The following WASF3 variants were observed in gnomAD, a reference collection of about 807,000 sequenced individuals.
WASF3 encodes the protein WASP family member 3, also known as actin-binding protein WASF3.
In WASF3, 11 loss-of-function variants were observed where a neutral mutation model predicts 46.6. That is an observed-to-expected ratio of 0.24 (90% CI 0.15 to 0.39). The LOEUF is 0.39. Among genes scored for constraint, WASF3 ranks in the 10% least tolerant of loss-of-function variants. The pLI, the probability that WASF3 is intolerant of heterozygous loss-of-function variation, is 1.00. For synonymous variants in WASF3, 242 were observed against 259.7 expected (o/e 0.93, Z 0.65); for missense variants, 576 against 669.8 (o/e 0.86, Z 1.55).
chr13:26,542,376 G>A, the WASF3 span, among the ~76,000 whole-genome samples: 2 of 152,158 alleles, frequency 1.3e-5, no homozygotes, highest in Admixed American at 6.5e-5. Context: ...CTCATTCTTG[G>A]CCAATTTTAA....
At chr13:26,579,551 G>A (rs1879915894) in intron 1 of WASF3, among the ~76,000 whole-genome samples, 1 of 152,068 alleles carries the variant, frequency 6.6e-6, no homozygotes, top group African/African-American at 2.4e-5. Context: ...TGTTTTGCAG[G>A]TATAATGGTA....
chr13:26,596,375 A>C (rs1027017935), intron 1 of WASF3, among the ~76,000 whole-genome samples: 1 of 149,172 alleles, frequency 6.7e-6, no homozygotes, highest in Non-Finnish European at 1.5e-5. Context: ...TTCTCTCTCT[A>C]GTTTTTTTCA....
At chr13:26,673,715 T>C (rs571465958) in intron 6 of WASF3, among the ~76,000 whole-genome samples, 1 of 152,362 alleles carries the variant, frequency 6.6e-6, no homozygotes, top group African/African-American at 2.4e-5. Context: ...TTGTCTCCTT[T>C]AGTTTAATGC....
At chr13:26,678,792 T>C (rs1425172193) in intron 7 of WASF3, among the ~76,000 whole-genome samples, 2 of 152,124 alleles carry the variant, frequency 1.3e-5, no homozygotes, top group Non-Finnish European at 2.9e-5. Flanking sequence ...CCATGCCCAA[T>C]TGTCCTTGTT....
At chr13:26,578,079 C>T (rs900630906) in intron 1 of WASF3, among the ~76,000 whole-genome samples, 1 of 152,072 alleles carries the variant, frequency 6.6e-6, no homozygotes, top group Non-Finnish European at 1.5e-5. Context: ...GACAATTTTA[C>T]CTCTTTTCCA....
chr13:26,628,168 C>T (rs925041307), intron 2 of WASF3, among the ~76,000 whole-genome samples: 1 of 152,120 alleles, frequency 6.6e-6, no homozygotes, highest in African/African-American at 2.4e-5. Flanking sequence ...AAAACCTGCG[C>T]TCGCCAATCC....
intron 1 of WASF3, among the ~76,000 whole-genome samples, chr13:26,570,246 C>T (rs1184639538): frequency 6.6e-6 from 1 of 152,162 alleles, no homozygotes; most frequent in Non-Finnish European, 1.5e-5. Context: ...TGAGATCCTG[C>T]CACTGCACTG....
chr13:26,558,852 A>G (rs1294720565), intron 1 of WASF3, among the ~76,000 whole-genome samples: 1 of 152,196 alleles, frequency 6.6e-6, no homozygotes, highest in Non-Finnish European at 1.5e-5. Context: ...TTCAGAGTCT[A>G]CTTTTTATAA....
At chr13:26,597,819 T>C (rs1203161239) in intron 1 of WASF3, among the ~76,000 whole-genome samples, 1 of 152,258 alleles carries the variant, frequency 6.6e-6, no homozygotes, top group African/African-American at 2.4e-5. Flanking sequence ...GGCTGCATAG[T>C]ATTCCATGGT....
At chr13:26,618,880 T>C (rs1881221453) in intron 2 of WASF3, 1 of 152,226 alleles carries the variant, frequency 6.6e-6, no homozygotes. Flanking sequence ...GATCTTTTCA[T>C]TGTGGTTCTC....
the WASF3 span, among the ~76,000 whole-genome samples, chr13:26,546,514 C>G: frequency 6.6e-6 from 1 of 152,124 alleles, no homozygotes; most frequent in Non-Finnish European, 1.5e-5. Flanking sequence ...AGGTCAAGAC[C>G]AGCCTGGCCA....
In WASF3 at chr13:26,679,451, C is replaced by T. The variant is rs991717437; in HGVS notation, c.717-1603C>T. ...ACTTCTGCCTCCATCTGGTTAGCCC[C>T]TTTTCCTTGCTTCCTTTCTACCCTG... is the stretch of plus-strand genomic sequence containing the variant. On this transcript the variant is annotated intron_variant, in intron 7 of 9. Coordinates refer to ENST00000335327, the MANE Select transcript of WASF3 (RefSeq NM_006646.6). This position sits in a 1 kb window ranked among gnomAD's most constrained non-coding sequence, Gnocchi z 4.8. 2.6e-5 allele frequency among the ~76,000 whole-genome samples: 4 copies of T among 152,206 alleles called. No homozygotes were observed. The highest frequency in any genetic ancestry group is 1.5e-5 in the Non-Finnish European group (1 of 68,040).
At chr13:26,597,285 C>T (rs759799007) in intron 1 of WASF3, among the ~76,000 whole-genome samples, 2 of 152,166 alleles carry the variant, frequency 1.3e-5, no homozygotes, top group Non-Finnish European at 2.9e-5. Flanking sequence ...AGGTGTGTGC[C>T]ACCACACCCG....
At chr13:26,681,652 A>G (rs899052977) in intron 8 of WASF3, among the ~76,000 whole-genome samples, 1 of 152,098 alleles carries the variant, frequency 6.6e-6, no homozygotes, top group Non-Finnish European at 1.5e-5. Context: ...AAGTTTCTGG[A>G]CACATCCTGA....
At chr13:26,648,830 C>T (rs938677803) in intron 3 of WASF3, among the ~76,000 whole-genome samples, 10 of 152,058 alleles carry the variant, frequency 6.6e-5, no homozygotes, top group African/African-American at 2.4e-4. Context: ...GAATTGATGG[C>T]AAGTATAAGA....
intron 1 of WASF3, among the ~76,000 whole-genome samples, chr13:26,604,679 CTT>C (rs1017464539): frequency 9.2e-5 from 14 of 152,132 alleles, no homozygotes; most frequent in Admixed American, 2.6e-4. Flanking sequence ...TTTAGCATCT[CTT>C]TGAATCAGGG....
the WASF3 span, among the ~76,000 whole-genome samples, chr13:26,546,540 G>A: frequency 2.2e-3 from 331 of 152,066 alleles, 6 homozygotes; most frequent in East Asian, 0.035. Flanking sequence ...GTGAAACCCC[G>A]TCTCTACTAA....
At chr13:26,554,484 A>G (rs1879057327), upstream of WASF3, among the ~76,000 whole-genome samples, 1 of 152,204 alleles carries the variant, frequency 6.6e-6, no homozygotes, top group South Asian at 2.1e-4. Context: ...AGATTTACCA[A>G]TAGTTGAAGG....
intron 1 of WASF3, among the ~76,000 whole-genome samples, chr13:26,591,065 A>T (rs1483654343): frequency 6.6e-6 from 1 of 151,350 alleles, no homozygotes; most frequent in Non-Finnish European, 1.5e-5. Context: ...TCCAGGAGAG[A>T]TGGTAGCAAG....
Sources: allele counts gnomAD v4.1 joint callset (sites outside exome capture counted in the v4.1 genomes callset), GRCh38; gene constraint gnomAD v4.1.1; non-coding constraint Gnocchi (gnomAD v3.1); transcripts MANE v1.5; gene names NCBI Gene and HGNC (gene_info 2026-07-23, HGNC 2026-07-21).